The following XPO7 variants were observed in gnomAD, a reference collection of about 807,000 sequenced individuals.
XPO7 encodes the protein exportin 7, also known as exportin-7.
Under a neutral mutation model 144.3 loss-of-function variants are expected in XPO7, and 21 were observed. That is an observed-to-expected ratio of 0.15 (90% CI 0.10 to 0.21). The LOEUF (loss-of-function observed/expected upper bound fraction) is 0.21. XPO7 is among the 10% of genes least tolerant of loss of function. The pLI is 1.00. For missense variants in XPO7, 808 were observed against 1,325.8 expected, an observed-to-expected ratio of 0.61 and a Z score of 6.06; for synonymous variants, 580 against 499.6, an observed-to-expected ratio of 1.16 and a Z score of -2.15.
At chr8:21,946,472 G>A (rs1811190517) in intron 1 of XPO7, among the ~76,000 whole-genome samples, 1 of 151,264 alleles carries the variant, frequency 6.6e-6, no homozygotes, top group South Asian at 2.1e-4. Flanking sequence ...TTACAGCACG[G>A]GGCGACAAAG....
intron 15 of XPO7, chr8:21,988,277 TTATTC>T (rs1812647231): frequency 5.5e-6 from 1 of 181,342 alleles, no homozygotes; most frequent in Non-Finnish European, 1.2e-5. Flanking sequence ...AAAAATGGGC[TTATTC>T]CTCCCAGGAA....
chr8:21,987,887 G>A lies in XPO7; in HGVS notation c.1787+30G>A, dbSNP rs1236714173. 3.7e-6 allele frequency: 6 copies of A among 1,609,628 alleles called. No individual in the cohort carries two copies. The African/African-American group carries it at 8.0e-5, about 22-fold the overall frequency. On this transcript the variant is annotated intron_variant, in intron 15 of 27. Transcript: ENST00000252512. Reference sequence around the variant, plus strand: ...GTGTTTCAGCTTGCCACCAGCAAGAGTCCTTTGCACTCCTGTTGCAACTGT... The same window carrying A: ...GTGTTTCAGCTTGCCACCAGCAAGAATCCTTTGCACTCCTGTTGCAACTGT...
intron 1 of XPO7, among the ~76,000 whole-genome samples, chr8:21,963,710 A>G (rs1383245391): frequency 6.9e-6 from 1 of 145,214 alleles, no homozygotes; most frequent in African/African-American, 2.6e-5. Flanking sequence ...AAAAAAAAAA[A>G]GTATAACCAT....
chr8:21,928,859 A>G (rs186500646), intron 1 of XPO7, among the ~76,000 whole-genome samples: 205 of 152,356 alleles, frequency 1.3e-3, no homozygotes, highest in African/African-American at 4.2e-3. Context: ...GCATTCATCT[A>G]TGTATCCCGT....
intron 21 of XPO7, among the ~76,000 whole-genome samples, chr8:21,997,724 T>C (rs1411237696): frequency 6.6e-6 from 1 of 152,180 alleles, no homozygotes; most frequent in Admixed American, 6.5e-5. Context: ...TTTAAGTTTT[T>C]TAAAGGCTAC....
At chr8:21,937,403 T>C (rs1432950021) in intron 1 of XPO7, among the ~76,000 whole-genome samples, 1 of 152,184 alleles carries the variant, frequency 6.6e-6, no homozygotes, top group Non-Finnish European at 1.5e-5. Context: ...TTAGTACGCA[T>C]GTAATAGGAA....
At chr8:21,939,979 T>C (rs1439752396) in intron 1 of XPO7, among the ~76,000 whole-genome samples, 2 of 152,232 alleles carry the variant, frequency 1.3e-5, no homozygotes, top group African/African-American at 4.8e-5. Context: ...TACTGAGTTA[T>C]TAGCCTTTTC....
chr8:21,976,533 T>C lies in XPO7; in HGVS notation c.763+12T>C. On this transcript the variant is annotated intron_variant, in intron 7 of 27. Transcript: ENST00000252512. ...CAGCTGGAGATCAGGTAACAGAACT[T>C]CCTCCACCTCAAAGGCTGTCTGTCA... The C allele has an allele frequency of 1.9e-6, 3 of 1,606,034 alleles. No individual in the cohort carries two copies.
At chr8:21,937,034 C>T (rs572782040) in intron 1 of XPO7, among the ~76,000 whole-genome samples, 12 of 152,302 alleles carry the variant, frequency 7.9e-5, no homozygotes, top group Non-Finnish European at 1.5e-4. Flanking sequence ...TTAACGGACT[C>T]AGACTTTGAC....
intron 25 of XPO7, among the ~76,000 whole-genome samples, chr8:22,002,822 A>C (rs1327986281): frequency 6.6e-6 from 1 of 152,234 alleles, no homozygotes; most frequent in East Asian, 1.9e-4. Context: ...CGTTCTCTAA[A>C]GAAGCAGTGA....
At chr8:21,978,821 C>T (rs930282184) in intron 8 of XPO7, among the ~76,000 whole-genome samples, 1 of 152,142 alleles carries the variant, frequency 6.6e-6, no homozygotes, top group Non-Finnish European at 1.5e-5. Context: ...GCTGGATGGT[C>T]GGAAGAGGGG....
At chr8:22,001,665 G>C (rs1187601754) in intron 24 of XPO7, among the ~76,000 whole-genome samples, 1 of 152,180 alleles carries the variant, frequency 6.6e-6, no homozygotes, top group Non-Finnish European at 1.5e-5. Flanking sequence ...CACAGCTCCT[G>C]CAATTACTAG....
intron 1 of XPO7, among the ~76,000 whole-genome samples, chr8:21,930,856 A>C (rs1323798378): frequency 6.6e-6 from 1 of 152,182 alleles, no homozygotes; most frequent in East Asian, 1.9e-4. Context: ...TAAATATCTC[A>C]GATGTCAGAT....
intron 1 of XPO7, among the ~76,000 whole-genome samples, chr8:21,924,884 T>C (rs1199675959): frequency 6.6e-6 from 1 of 152,224 alleles, no homozygotes. Flanking sequence ...TTGAGGATGA[T>C]TAATGGTGAC....
intron 1 of XPO7, among the ~76,000 whole-genome samples, chr8:21,931,052 C>G (rs931359679): frequency 1.3e-5 from 2 of 152,042 alleles, no homozygotes; most frequent in Non-Finnish European, 1.5e-5. Flanking sequence ...TCATGTTGGC[C>G]AGGCTAGTCT....
intron 10 of XPO7, 140 bp downstream of exon 10, chr8:21,982,017 T>C: frequency 1.8e-6 from 2 of 1,113,088 alleles, no homozygotes; most frequent in Non-Finnish European, 2.5e-6. Flanking sequence ...TAGTTACTAT[T>C]GTGGCCTGTG....
At chr8:21,962,278 A>G (rs534190178) in intron 1 of XPO7, among the ~76,000 whole-genome samples, 1 of 152,368 alleles carries the variant, frequency 6.6e-6, no homozygotes, top group South Asian at 2.1e-4. Flanking sequence ...ATTGCCTTTC[A>G]TATAAATTTA....
rs1813237469 is a variant in XPO7, at chr8:22,003,897, C to T, written c.3043-6C>T. The T allele has an allele frequency of 1.2e-6, 2 of 1,613,776 alleles. No individual in the cohort carries two copies. Among genetic ancestry groups the T allele is most frequent in the African/African-American group, 1.3e-5 (1 of 75,010 alleles). ...CTAACCTTCTGTTCCACTCCTTGCC[C>T]CACAGTATTTTTCTGACCTAAGAAA... On this transcript the variant is annotated splice_region_variant and splice_polypyrimidine_tract_variant and intron_variant, in intron 26 of 27. Coordinates refer to ENST00000252512, the MANE Select transcript of XPO7 (RefSeq NM_015024.5).
chr8:21,929,825 C>G (rs1033545251), intron 1 of XPO7, among the ~76,000 whole-genome samples: 1 of 151,926 alleles, frequency 6.6e-6, no homozygotes, highest in Non-Finnish European at 1.5e-5. Context: ...GCAGGCATAA[C>G]TGACTCTAAA....
Sources: gnomAD v4.1 joint callset for allele counts (sites outside exome capture counted in the v4.1 genomes callset) on GRCh38, gnomAD v4.1.1 for gene constraint, MANE v1.5 for transcripts, NCBI Gene and HGNC (gene_info 2026-07-23, HGNC 2026-07-21) for gene names.